The following ADAMTS2 variants were observed in gnomAD, a reference collection of about 807,000 sequenced individuals.
The protein encoded by ADAMTS2 is ADAM metallopeptidase with thrombospondin type 1 motif 2.
ADAMTS2 carries 50 observed loss-of-function variants against 123.0 expected under a neutral mutation model. That is an observed-to-expected ratio of 0.41 (90% CI 0.32 to 0.51). The LOEUF is 0.51. ADAMTS2 is among the 20% of genes least tolerant of loss of function. The pLI, the probability that ADAMTS2 is intolerant of heterozygous loss-of-function variation, is 0.35. For missense variants in ADAMTS2, 1,494 were observed against 1,705.2 expected, an observed-to-expected ratio of 0.88 and a Z score of 2.18; for synonymous variants, 678 against 695.4, an observed-to-expected ratio of 0.98 and a Z score of 0.39.
intron 2 of ADAMTS2, among the ~76,000 whole-genome samples, chr5:179,310,451 G>A (rs1159725637): frequency 1.3e-5 from 2 of 152,204 alleles, no homozygotes; most frequent in Non-Finnish European, 2.9e-5. Context: ...GCCCCAGAGG[G>A]CTCCCCTGGT....
chr5:179,244,045 A>G lies in ADAMTS2; in HGVS notation c.688+28866T>C, dbSNP rs189373501. On this transcript the variant is annotated intron_variant, in intron 3 of 21. Transcript: ENST00000251582. ...AAATGTGGAAACCATAAAGGGCATG[A>G]ACATATGCACAATGGGAGTCCCAGA... Among the ~76,000 whole-genome samples the G allele has an allele frequency of 6.6e-5, 10 of 152,354 alleles. No homozygotes were observed. The East Asian group carries it at 1.9e-3, about 29-fold the overall frequency.
intron 2 of ADAMTS2, among the ~76,000 whole-genome samples, chr5:179,296,617 CAGGTG>C (rs1308856536): frequency 1.3e-5 from 2 of 152,072 alleles, no homozygotes; most frequent in African/African-American, 2.4e-5. Context: ...GACCGCAAGG[CAGGTG>C]GAGATGGGCT....
chr5:179,173,496 A>G (rs530687993), intron 5 of ADAMTS2, among the ~76,000 whole-genome samples: 17 of 152,328 alleles, frequency 1.1e-4, no homozygotes, highest in African/African-American at 3.6e-4. Flanking sequence ...CGAAAATGCA[A>G]TTTTGTGGCA....
chr5:179,289,158 C>T (rs542134985), intron 2 of ADAMTS2, among the ~76,000 whole-genome samples: 49 of 152,222 alleles, frequency 3.2e-4, no homozygotes, highest in African/African-American at 1.1e-3. Flanking sequence ...TGCTCAGAGA[C>T]GGCCTGTCCC....
intron 2 of ADAMTS2, among the ~76,000 whole-genome samples, chr5:179,283,549 C>CAAAAAAAAAAAAAAAAAAAAACAA (rs3986816): frequency 1.9e-5 from 1 of 51,344 alleles, no homozygotes; most frequent in Admixed American, 2.5e-4. Flanking sequence ...AGAAAAACAG[C>CAAAAAAAAAAAAAAAAAAAAACAA]AAAAAAAAAA....
chr5:179,326,490 G>GC (rs56964454), intron 2 of ADAMTS2, among the ~76,000 whole-genome samples: 87,516 of 109,530 alleles, frequency 0.8, 32,984 homozygotes, highest in Admixed American at 0.85. Context: ...CCCCGGCCCC[G>GC]CCCCCCACTC....
At chr5:179,204,736 C>T (rs1031985134) in intron 4 of ADAMTS2, among the ~76,000 whole-genome samples, 1 of 152,236 alleles carries the variant, frequency 6.6e-6, no homozygotes, top group Admixed American at 6.5e-5. Context: ...ATCTCCCTCG[C>T]CCACGCTGCG....
chr5:179,154,468 T>C (rs1334577854), intron 7 of ADAMTS2, among the ~76,000 whole-genome samples: 1 of 152,160 alleles, frequency 6.6e-6, no homozygotes, highest in Non-Finnish European at 1.5e-5. Flanking sequence ...TCCAGGTTTC[T>C]AACCCAGGGC....
rs926774033 is a variant in ADAMTS2, at chr5:179,308,566, C to G, written c.534+35201G>C. On this transcript the variant is annotated intron_variant, in intron 2 of 21. Coordinates refer to ENST00000251582, the MANE Select transcript of ADAMTS2 (RefSeq NM_014244.5). The surrounding 1 kb of genome is among the most constrained non-coding windows in gnomAD (Gnocchi z 6.6). ...TAATAGACAGCCTCATTTTTTTTTTCTAGGCAAAACTTTGGGAGGATCCTT... is the reference window on the plus strand; with the variant it reads ...TAATAGACAGCCTCATTTTTTTTTTGTAGGCAAAACTTTGGGAGGATCCTT... Among the ~76,000 whole-genome samples, 3 of 151,570 alleles carry G rather than the reference C, an allele frequency of 2.0e-5. No homozygotes were observed. The highest frequency in any genetic ancestry group is 7.3e-5 in the African/African-American group (3 of 41,288).
At position 179,344,048 on chromosome 5, in the gene ADAMTS2, G is replaced by T. The variant is rs768081554; in HGVS notation, c.253C>A (p.Arg85=). ...VSAATSRAGV[R]ARRAAPVRTP... ...CGGACCGGGGCGGCCCTGCGGGCTC[G>T]TACCCCTGCTCTGGACGTAGCTGCC... Residue 85 remains arginine, a synonymous_variant, in exon 2 of 22, where the codon CGA becomes AGA. Transcript: ENST00000251582. 1.9e-6 allele frequency: 3 copies of T among 1,612,372 alleles called. No homozygotes were observed. Among genetic ancestry groups the T allele is most frequent in the Middle Eastern group, 1.7e-4 (1 of 6,058 alleles).
chr5:179,334,624 C>G (rs1040669777), intron 2 of ADAMTS2, among the ~76,000 whole-genome samples: 5 of 152,186 alleles, frequency 3.3e-5, no homozygotes, highest in Non-Finnish European at 5.9e-5. Flanking sequence ...TCTGAAGGTT[C>G]CAGACGGTGC....
chr5:179,158,026 G>A lies in ADAMTS2; in HGVS notation c.1132+697C>T, dbSNP rs1419579668. On this transcript the variant is annotated intron_variant, in intron 6 of 21. Transcript: ENST00000251582. The surrounding 1 kb of genome is among the most constrained non-coding windows in gnomAD (Gnocchi z 5.0). The stretch of plus-strand genomic sequence containing the variant: ...GTCTCCCAGGCTGGAGCAAAGTGGT[G>A]CGATCTCGACTCATTGCAAACTCCG... 6.6e-6 allele frequency among the ~76,000 whole-genome samples: 1 copy of A among 151,724 alleles called. No individual in the cohort carries two copies. The highest frequency in any genetic ancestry group is 1.5e-5 in the Non-Finnish European group (1 of 67,948).
intron 21 of ADAMTS2, among the ~76,000 whole-genome samples, chr5:179,114,895 G>A (rs896314465): frequency 6.6e-6 from 1 of 152,130 alleles, no homozygotes; most frequent in Non-Finnish European, 1.5e-5. Context: ...TGCCCCGGAC[G>A]ATCTTTTAAC....
At chr5:179,196,562 C>A (rs981231219) in intron 4 of ADAMTS2, among the ~76,000 whole-genome samples, 8 of 152,208 alleles carry the variant, frequency 5.3e-5, no homozygotes, top group African/African-American at 1.9e-4. Flanking sequence ...GTAGCCTCAC[C>A]GGTCCTTTGA....
intron 5 of ADAMTS2, among the ~76,000 whole-genome samples, chr5:179,163,655 T>C (rs66541557): frequency 0.14 from 20,599 of 152,240 alleles, 1,608 homozygotes; most frequent in African/African-American, 0.2. Context: ...TCCTCCCAGA[T>C]GCTGGCTTCT....
intron 3 of ADAMTS2, among the ~76,000 whole-genome samples, chr5:179,244,950 C>T (rs1765750303): frequency 6.6e-6 from 1 of 152,176 alleles, no homozygotes; most frequent in African/African-American, 2.4e-5. Flanking sequence ...GCATATATAG[C>T]TGTGTGGTAG....
At chr5:179,306,132 A>G (rs1756666397) in intron 2 of ADAMTS2, among the ~76,000 whole-genome samples, 2 of 152,134 alleles carry the variant, frequency 1.3e-5, no homozygotes, top group South Asian at 4.2e-4. Context: ...AGACAGTTCA[A>G]TAAAAAAAAA....
intron 4 of ADAMTS2, among the ~76,000 whole-genome samples, chr5:179,193,416 G>C (rs1270966977): frequency 6.6e-6 from 1 of 152,214 alleles, no homozygotes. Context: ...CAGAGAGATT[G>C]AGAGGCTCAC....
rs564649765 is a variant in ADAMTS2 at position 179,327,272 on chromosome 5, T to C, written c.534+16495A>G. ...CCCTGAAGTGCAGAAAATTATCTCA[T>C]TGTGAAGGGTAAGGCAGGGACTCAA... On this transcript the variant is annotated intron_variant, in intron 2 of 21. Coordinates refer to ENST00000251582, the MANE Select transcript of ADAMTS2 (RefSeq NM_014244.5). Among the ~76,000 whole-genome samples, 3 of 152,248 alleles carry C rather than the reference T, an allele frequency of 2.0e-5. No homozygotes were observed. The East Asian group carries it at 5.8e-4, about 29-fold the overall frequency.
Sources: allele counts gnomAD v4.1 joint callset (sites outside exome capture counted in the v4.1 genomes callset), GRCh38; gene constraint gnomAD v4.1.1; non-coding constraint Gnocchi (gnomAD v3.1); transcripts MANE v1.5; gene names NCBI Gene and HGNC (gene_info 2026-07-23, HGNC 2026-07-21).